The following AUH variants were observed in gnomAD, a reference collection of about 807,000 sequenced individuals.
AUH encodes the protein methylglutaconyl-CoA hydratase, mitochondrial.
Under a neutral mutation model 42.3 loss-of-function variants are expected in AUH, and 29 were observed. The ratio of observed to expected loss-of-function variants is 0.69; its 90% CI spans 0.51 to 0.93. The LOEUF (loss-of-function observed/expected upper bound fraction) is 0.93, where lower values mean the gene tolerates loss of function less well. AUH is among the 40% of genes least tolerant of loss of function. AUH has a pLI of 0.00. For synonymous variants in AUH, 174 were observed against 166.4 expected, an observed-to-expected ratio of 1.05 and a Z score of -0.35; for missense variants, 452 against 438.1, an observed-to-expected ratio of 1.03 and a Z score of -0.28.
chr9:91,256,754 G>C (rs184273643), intron 6 of AUH, among the ~76,000 whole-genome samples: 140 of 152,176 alleles, frequency 9.2e-4, no homozygotes, highest in African/African-American at 3.1e-3. Context: ...GTAGGGAGGA[G>C]AACACTGGTG....
At chr9:91,337,863 C>T (rs1031409666) in intron 3 of AUH, among the ~76,000 whole-genome samples, 1 of 152,160 alleles carries the variant, frequency 6.6e-6, no homozygotes, top group African/African-American at 2.4e-5. Flanking sequence ...CTAATGATTA[C>T]AGAAAGTTTC....
At chr9:91,215,235 C>G (rs1291891209) in intron 9 of AUH, among the ~76,000 whole-genome samples, 1 of 151,380 alleles carries the variant, frequency 6.6e-6, no homozygotes, top group African/African-American at 2.4e-5. Flanking sequence ...TTTTTTTTTC[C>G]TCTCCAGGAA....
intron 6 of AUH, among the ~76,000 whole-genome samples, chr9:91,244,252 T>C (rs561929787): frequency 1.3e-5 from 2 of 152,322 alleles, no homozygotes; most frequent in African/African-American, 2.4e-5. Flanking sequence ...GGGTAATTTA[T>C]AAAAATCATC....
chr9:91,338,730 A>G (rs1426497004), intron 3 of AUH, among the ~76,000 whole-genome samples: 2 of 152,224 alleles, frequency 1.3e-5, no homozygotes, highest in Non-Finnish European at 2.9e-5. Context: ...CAAAAACTCA[A>G]GTGCAAGAAT....
intron 4 of AUH, among the ~76,000 whole-genome samples, chr9:91,310,230 C>T (rs1828596571): frequency 6.6e-6 from 1 of 152,168 alleles, no homozygotes; most frequent in Non-Finnish European, 1.5e-5. Flanking sequence ...GTCCTAAGAG[C>T]AGCAGGAGCT....
intron 6 of AUH, among the ~76,000 whole-genome samples, chr9:91,237,103 T>C (rs1828232492): frequency 6.6e-6 from 1 of 152,238 alleles, no homozygotes; most frequent in Non-Finnish European, 1.5e-5. Flanking sequence ...TCCTCCTATG[T>C]GGCATTAAAC....
At chr9:91,345,433 T>C (rs1306576674) in intron 3 of AUH, among the ~76,000 whole-genome samples, 2 of 152,106 alleles carry the variant, frequency 1.3e-5, no homozygotes, top group Non-Finnish European at 2.9e-5. Flanking sequence ...TAAGAAGAAA[T>C]GCCACTTACA....
At chr9:91,275,630 A>T (rs900663704) in intron 6 of AUH, among the ~76,000 whole-genome samples, 9 of 152,258 alleles carry the variant, frequency 5.9e-5, no homozygotes, top group Non-Finnish European at 1.3e-4. Flanking sequence ...CTTTGTTTTC[A>T]TAAAATGTCA....
At chr9:91,306,237 CA>C in intron 4 of AUH, 1 of 555,092 alleles carries the variant, frequency 1.8e-6, no homozygotes, top group Non-Finnish European at 2.3e-6. Flanking sequence ...AATTCCAAAT[CA>C]AAAAACCCTC....
At chr9:91,347,535 GC>G (rs147556375) in intron 3 of AUH, among the ~76,000 whole-genome samples, 1 of 151,934 alleles carries the variant, frequency 6.6e-6, no homozygotes, top group Admixed American at 6.6e-5. Flanking sequence ...CTGACAAGCT[GC>G]CCCCCCATCC....
chr9:91,240,386 C>T (rs1162400958), intron 6 of AUH, among the ~76,000 whole-genome samples: 3 of 152,174 alleles, frequency 2.0e-5, no homozygotes, highest in Non-Finnish European at 4.4e-5. Flanking sequence ...CCCTCACTCA[C>T]ACCCATATGA....
intron 6 of AUH, 82 bp downstream of exon 6, chr9:91,295,939 T>C: frequency 6.7e-7 from 1 of 1,496,644 alleles, no homozygotes; most frequent in Non-Finnish European, 9.3e-7. Context: ...AATGTTGCCT[T>C]TCCAATTAAC....
intron 6 of AUH, among the ~76,000 whole-genome samples, chr9:91,228,468 C>G (rs1488075025): frequency 6.8e-6 from 1 of 146,628 alleles, no homozygotes; most frequent in Admixed American, 6.8e-5. Flanking sequence ...GTCTTGCTAG[C>G]GGTCTATCAA....
intron 3 of AUH, among the ~76,000 whole-genome samples, chr9:91,344,405 C>T (rs1831329393): frequency 6.6e-6 from 1 of 152,182 alleles, no homozygotes; most frequent in African/African-American, 2.4e-5. Context: ...TCTTATGTCT[C>T]CCTAAAATGT....
chr9:91,262,936 A>G (rs942521168), intron 6 of AUH, among the ~76,000 whole-genome samples: 7 of 152,178 alleles, frequency 4.6e-5, no homozygotes, highest in Non-Finnish European at 8.8e-5. Context: ...CAGGCCACAA[A>G]AGTTGCAAGT....
At chr9:91,360,430 C>T (rs1832760808) in intron 1 of AUH, 1 of 152,224 alleles carries the variant, frequency 6.6e-6, no homozygotes, top group South Asian at 2.1e-4. Flanking sequence ...TGACCATGTT[C>T]TTGTCTCTGT....
At chr9:91,310,854 C>T (rs527829253) in intron 4 of AUH, among the ~76,000 whole-genome samples, 2 of 152,290 alleles carry the variant, frequency 1.3e-5, no homozygotes, top group East Asian at 3.9e-4. Flanking sequence ...ATTCCAATAT[C>T]AAACCTCTGC....
chr9:91,294,200 A>T (rs1353074711), intron 6 of AUH, among the ~76,000 whole-genome samples: 1 of 152,252 alleles, frequency 6.6e-6, no homozygotes, highest in Non-Finnish European at 1.5e-5. Flanking sequence ...GCCTGATAAC[A>T]TAACAGCCAT....
At chr9:91,284,832 A>C (rs2131586798) in intron 6 of AUH, among the ~76,000 whole-genome samples, 1 of 152,328 alleles carries the variant, frequency 6.6e-6, no homozygotes, top group East Asian at 1.9e-4. Context: ...GAGGATGTGG[A>C]GAAATAGGAA....
Sources: gnomAD v4.1 joint callset for allele counts (sites outside exome capture counted in the v4.1 genomes callset) on GRCh38, gnomAD v4.1.1 for gene constraint, MANE v1.5 for transcripts, NCBI Gene and HGNC (gene_info 2026-07-23, HGNC 2026-07-21) for gene names.